Variants in CTNNA2 observed in about 807,000 individuals in gnomAD.
CTNNA2 encodes the protein catenin alpha 2, also known as catenin alpha-2.
Under a neutral mutation model 101.0 loss-of-function variants are expected in CTNNA2, and 42 were observed. The observed-to-expected ratio is 0.42, with a 90% CI of 0.32 to 0.54. CTNNA2 has a LOEUF of 0.54. Ranked by LOEUF, CTNNA2 falls within the 20% of genes least tolerant of loss-of-function variation. The probability of loss-of-function intolerance (pLI) is 0.14; values close to 1 mark genes in which losing one functional copy is unlikely to be tolerated. For missense variants in CTNNA2, 871 were observed against 1,223.1 expected (o/e 0.71, Z 4.29); for synonymous variants, 450 against 456.4 (o/e 0.99, Z 0.18).
intron 3 of CTNNA2, among the ~76,000 whole-genome samples, chr2:79,765,957 G>A (rs1471053721): frequency 1.3e-5 from 2 of 152,084 alleles, no homozygotes; most frequent in Non-Finnish European, 1.5e-5. Flanking sequence ...TGCATTTAGT[G>A]GGAACTTATT....
At chr2:80,499,542 G>T (rs1159896605) in intron 9 of CTNNA2, among the ~76,000 whole-genome samples, 1 of 151,964 alleles carries the variant, frequency 6.6e-6, no homozygotes, top group African/African-American at 2.4e-5. Flanking sequence ...AATTAGCATG[G>T]CCAGGTATGG....
At chr2:80,002,093 G>A (rs1291209505) in intron 7 of CTNNA2, among the ~76,000 whole-genome samples, 1 of 152,068 alleles carries the variant, frequency 6.6e-6, no homozygotes, top group East Asian at 1.9e-4. Flanking sequence ...TTTCCAAAAG[G>A]TTCTATGGCT....
chr2:79,619,521 G>A (rs1259661670), intron 1 of CTNNA2, among the ~76,000 whole-genome samples: 1 of 152,128 alleles, frequency 6.6e-6, no homozygotes, highest in Non-Finnish European at 1.5e-5. Flanking sequence ...TTTTTGAAAC[G>A]GTGATTTTTT....
At chr2:79,190,555 T>C (rs1275904333) in intron 1 of CTNNA2, among the ~76,000 whole-genome samples, 1 of 152,144 alleles carries the variant, frequency 6.6e-6, no homozygotes, top group Non-Finnish European at 1.5e-5. Flanking sequence ...TTGACCTTTC[T>C]GAGGCTGGAA....
chr2:80,247,688 TC>T (rs1671434240), intron 7 of CTNNA2, among the ~76,000 whole-genome samples: 1 of 152,234 alleles, frequency 6.6e-6, no homozygotes, highest in Non-Finnish European at 1.5e-5. Context: ...CTCTGTGCTA[TC>T]TTTCTTGGGT....
At chr2:79,475,361 G>C (rs1204264666) in intron 4 of CTNNA2, among the ~76,000 whole-genome samples, 2 of 151,850 alleles carry the variant, frequency 1.3e-5, no homozygotes, top group Non-Finnish European at 2.9e-5. Flanking sequence ...ACAAGTCCAG[G>C]AAAAAAGGGA....
chr2:80,631,270 G>T (rs941724133), intron 18 of CTNNA2, among the ~76,000 whole-genome samples: 1 of 150,892 alleles, frequency 6.6e-6, no homozygotes, highest in Non-Finnish European at 1.5e-5. Context: ...GTTAAAAGTT[G>T]TCATCTTATT....
At chr2:79,782,674 T>A (rs1385750026) in intron 3 of CTNNA2, among the ~76,000 whole-genome samples, 4 of 152,172 alleles carry the variant, frequency 2.6e-5, no homozygotes, top group Non-Finnish European at 5.9e-5. Context: ...GCAGGATGCC[T>A]AAGTACTTAA....
chr2:79,300,281 G>T (rs1257300201), intron 2 of CTNNA2, among the ~76,000 whole-genome samples: 2 of 152,142 alleles, frequency 1.3e-5, no homozygotes, highest in East Asian at 3.9e-4. Context: ...ATCATGGAGG[G>T]TATGGACTTT....
chr2:79,761,812 G>T (rs772958140), intron 3 of CTNNA2, among the ~76,000 whole-genome samples: 1 of 152,160 alleles, frequency 6.6e-6, no homozygotes, highest in Non-Finnish European at 1.5e-5. Flanking sequence ...TAAATGTCAT[G>T]ATTAAAAATA....
intron 2 of CTNNA2, among the ~76,000 whole-genome samples, chr2:79,684,391 T>C (rs992590176): frequency 6.6e-6 from 1 of 152,170 alleles, no homozygotes; most frequent in African/African-American, 2.4e-5. Context: ...CACTAATAGA[T>C]CATGACCTAT....
At chr2:79,903,894 A>G (rs559223205) in intron 6 of CTNNA2, among the ~76,000 whole-genome samples, 1 of 152,318 alleles carries the variant, frequency 6.6e-6, no homozygotes, top group African/African-American at 2.4e-5. Context: ...AGACTGCAGT[A>G]GAACTACAGG....
intron 9 of CTNNA2, among the ~76,000 whole-genome samples, chr2:80,507,786 A>G (rs1379791385): frequency 6.6e-6 from 1 of 152,208 alleles, no homozygotes; most frequent in African/African-American, 2.4e-5. Context: ...AGGCATTACT[A>G]AGCATCCACT....
chr2:80,279,733 A>C (rs939906616), intron 7 of CTNNA2, among the ~76,000 whole-genome samples: 2 of 152,142 alleles, frequency 1.3e-5, no homozygotes, highest in African/African-American at 4.8e-5. Flanking sequence ...AAGCCTTGAA[A>C]TGTTCCTTGC....
Position 80,321,461 on chromosome 2 carries a change from A to G in CTNNA2, c.1057-71750A>G, listed in dbSNP as rs546983837. On this transcript the variant is annotated intron_variant, in intron 7 of 18. Coordinates refer to ENST00000402739, the MANE Select transcript of CTNNA2 (RefSeq NM_001282597.3). The stretch of plus-strand genomic sequence containing the variant: ...GATGCTGGGGGAAGTACGCATTGAG[A>G]TGAAGTGAAAGAAGTAGGTTAGAGC... Among the ~76,000 whole-genome samples, 4 of 152,342 alleles carry G rather than the reference A, an allele frequency of 2.6e-5. No individual in the cohort carries two copies. In the East Asian group the frequency reaches 5.8e-4, roughly 22 times the overall value.
intron 7 of CTNNA2, among the ~76,000 whole-genome samples, chr2:79,934,022 G>T (rs968558460): frequency 2.6e-5 from 4 of 152,118 alleles, no homozygotes; most frequent in Non-Finnish European, 4.4e-5. Context: ...TATGTTTTAG[G>T]TTCAGGTCGG....
intron 3 of CTNNA2, among the ~76,000 whole-genome samples, chr2:79,789,558 G>C (rs1039681161): frequency 1.3e-5 from 2 of 152,138 alleles, no homozygotes; most frequent in Non-Finnish European, 2.9e-5. Flanking sequence ...ATCCCTTGGG[G>C]ACTGGGGAGA....
intron 1 of CTNNA2, among the ~76,000 whole-genome samples, chr2:79,186,464 T>A (rs1673780090): frequency 1.3e-5 from 2 of 152,254 alleles, no homozygotes; most frequent in Admixed American, 6.5e-5. Flanking sequence ...TTCACTTTTA[T>A]GTGATAGTTT....
chr2:79,897,016 T>C (rs954045261), intron 6 of CTNNA2, among the ~76,000 whole-genome samples: 37 of 152,208 alleles, frequency 2.4e-4, no homozygotes, highest in African/African-American at 8.4e-4. Flanking sequence ...CCAGGCATCT[T>C]AGTCATGAAC....
Sources: gnomAD v4.1 joint callset for allele counts (sites outside exome capture counted in the v4.1 genomes callset) on GRCh38, gnomAD v4.1.1 for gene constraint, MANE v1.5 for transcripts, NCBI Gene and HGNC (gene_info 2026-07-23, HGNC 2026-07-21) for gene names.